Variants in RNF214 observed in about 807,000 individuals in gnomAD.
RNF214 encodes the protein ring finger protein 214.
A neutral mutation model predicts 75.9 loss-of-function variants in RNF214; 25 were observed. That is an observed-to-expected ratio of 0.33 (90% CI 0.24 to 0.46). The LOEUF is 0.46. Among genes scored for constraint, RNF214 ranks in the 20% least tolerant of loss-of-function variants. RNF214 has a pLI of 1.00. For missense variants in RNF214, 725 were observed against 857.5 expected (o/e 0.85, Z 1.93); for synonymous variants, 314 against 308.8 (o/e 1.02, Z -0.18).
intron 6 of RNF214, 28 bp from the exon 7 acceptor site, chr11:117,279,880 G>T: frequency 6.5e-7 from 1 of 1,547,658 alleles, no homozygotes; most frequent in Non-Finnish European, 8.8e-7. Flanking sequence ...TTCTTCCTTA[G>T]TCTTGTTCTT....
intron 1 of RNF214, among the ~76,000 whole-genome samples, chr11:117,233,430 G>T (rs2032791612): frequency 6.6e-6 from 1 of 152,182 alleles, no homozygotes; most frequent in Non-Finnish European, 1.5e-5. Context: ...TTCCGGGGGG[G>T]AATACGTGTG....
chr11:117,265,125 A>C (rs1041388007), intron 6 of RNF214, among the ~76,000 whole-genome samples: 1 of 151,940 alleles, frequency 6.6e-6, no homozygotes, highest in Non-Finnish European at 1.5e-5. Flanking sequence ...CCTTTTAATT[A>C]GAGCCTTTAG....
intron 6 of RNF214, among the ~76,000 whole-genome samples, chr11:117,275,856 AGAAG>A (rs1565346372): frequency 6.6e-6 from 1 of 152,214 alleles, no homozygotes; most frequent in African/African-American, 2.4e-5. Flanking sequence ...CAGAAGATCA[AGAAG>A]GAAGGAATCC....
intron 6 of RNF214, among the ~76,000 whole-genome samples, chr11:117,251,553 G>A (rs1397751044): frequency 6.7e-6 from 1 of 150,316 alleles, no homozygotes; most frequent in Non-Finnish European, 1.5e-5. Context: ...CCTCCCGGAC[G>A]GGGCGGCTGG....
chr11:117,239,568 C>T (rs1325264339), intron 3 of RNF214: 1 of 531,628 alleles, frequency 1.9e-6, no homozygotes, highest in African/African-American at 1.9e-5. Flanking sequence ...AGACTTGAGG[C>T]TTTCTCTCAG....
chr11:117,255,998 C>G (rs2033510885), intron 6 of RNF214, among the ~76,000 whole-genome samples: 1 of 152,202 alleles, frequency 6.6e-6, no homozygotes, highest in Non-Finnish European at 1.5e-5. Flanking sequence ...ATTTATATCT[C>G]TAGGTATGAC....
At chr11:117,236,135 A>G (rs751303976) in intron 2 of RNF214, among the ~76,000 whole-genome samples, 3 of 150,072 alleles carry the variant, frequency 2.0e-5, no homozygotes, top group Non-Finnish European at 3.0e-5. Context: ...TAATTTTTGT[A>G]TTTTTAGTGG....
At chr11:117,254,980 A>G (rs985484142) in intron 6 of RNF214, among the ~76,000 whole-genome samples, 1 of 151,984 alleles carries the variant, frequency 6.6e-6, no homozygotes, top group Non-Finnish European at 1.5e-5. Flanking sequence ...AAATCACACA[A>G]CTGTGTGTCT....
chr11:117,257,326 A>T (rs368610504), intron 6 of RNF214, among the ~76,000 whole-genome samples: 8 of 152,330 alleles, frequency 5.3e-5, no homozygotes, highest in African/African-American at 1.9e-4. Flanking sequence ...ACAGAGTGAG[A>T]TCCTGTCTCA....
At chr11:117,243,771 G>A (rs535973650) in intron 4 of RNF214, among the ~76,000 whole-genome samples, 1 of 152,178 alleles carries the variant, frequency 6.6e-6, no homozygotes, top group Non-Finnish European at 1.5e-5. Flanking sequence ...TGCCCAGGCT[G>A]GTCTTCAGCT....
At chr11:117,273,294 A>T (rs1206621791) in intron 6 of RNF214, among the ~76,000 whole-genome samples, 2 of 152,118 alleles carry the variant, frequency 1.3e-5, no homozygotes, top group African/African-American at 4.8e-5. Flanking sequence ...GGTGTCTTAA[A>T]GTTAAGTTGC....
At chr11:117,257,445 A>C (rs1037455572) in intron 6 of RNF214, among the ~76,000 whole-genome samples, 1 of 152,226 alleles carries the variant, frequency 6.6e-6, no homozygotes, top group Non-Finnish European at 1.5e-5. Flanking sequence ...AGTAAAAAAT[A>C]ACATCACCGT....
intron 6 of RNF214, among the ~76,000 whole-genome samples, chr11:117,279,088 C>A (rs1391189397): frequency 1.3e-5 from 2 of 152,084 alleles, no homozygotes; most frequent in African/African-American, 4.8e-5. Context: ...CAGAGTAAGA[C>A]CCTGTCTATA....
intron 6 of RNF214, among the ~76,000 whole-genome samples, chr11:117,258,917 T>G (rs2033592836): frequency 6.6e-6 from 1 of 152,218 alleles, no homozygotes; most frequent in South Asian, 2.1e-4. Context: ...ATGCTTTTAA[T>G]ATTCATGTTG....
At chr11:117,248,401 C>T (rs137943448) in intron 6 of RNF214, among the ~76,000 whole-genome samples, 69 of 152,272 alleles carry the variant, frequency 4.5e-4, no homozygotes, top group African/African-American at 1.6e-3. Flanking sequence ...TTAAAATGAC[C>T]TGTTTGGAAA....
chr11:117,270,128 T>C (rs1028621489), intron 6 of RNF214, among the ~76,000 whole-genome samples: 1 of 151,992 alleles, frequency 6.6e-6, no homozygotes, highest in South Asian at 2.1e-4. Flanking sequence ...AGATAATCCC[T>C]CTTGGTGCTT....
chr11:117,268,578 T>G (rs1230084932), intron 6 of RNF214, among the ~76,000 whole-genome samples: 1 of 152,238 alleles, frequency 6.6e-6, no homozygotes, highest in Non-Finnish European at 1.5e-5. Context: ...TACATCGATC[T>G]GTTTGTCTTT....
At chr11:117,236,767 GA>G (rs2134352731) in intron 2 of RNF214, among the ~76,000 whole-genome samples, 1 of 152,314 alleles carries the variant, frequency 6.6e-6, no homozygotes. Flanking sequence ...AGCTATGTTG[GA>G]GTCAGAGTTT....
chr11:117,264,992 C>T lies in RNF214; in HGVS notation c.960-14916C>T, dbSNP rs148294286. Among the ~76,000 whole-genome samples, 998 of 151,190 alleles carry T rather than the reference C, an allele frequency of 6.6e-3. 17 individuals are homozygous for T. Among genetic ancestry groups the T allele is most frequent in the African/African-American group, 0.023 (962 of 41,146 alleles). ...CTGAGGCAGGAGAATTGCTTAAACC[C>T]AGGAGGCGGAGGTTGCAGTGAGCCT... On this transcript the variant is annotated intron_variant, in intron 6 of 14. Transcript: ENST00000300650.
Sources: allele counts gnomAD v4.1 joint callset (sites outside exome capture counted in the v4.1 genomes callset), GRCh38; gene constraint gnomAD v4.1.1; transcripts MANE v1.5; gene names NCBI Gene and HGNC (gene_info 2026-07-23, HGNC 2026-07-21).